Variants in LINS1 observed in about 807,000 individuals in gnomAD.
LINS1 encodes protein Lines homolog 1.
Under a neutral mutation model 41.6 loss-of-function variants are expected in LINS1, and 27 were observed. That is an observed-to-expected ratio of 0.65 (90% CI 0.48 to 0.89). The LOEUF (loss-of-function observed/expected upper bound fraction) is 0.89. LINS1 is among the 40% of genes least tolerant of loss of function. The pLI is 0.00. For synonymous variants in LINS1, 336 were observed against 312.9 expected (o/e 1.07, Z -0.78); for missense variants, 955 against 884.1 (o/e 1.08, Z -1.02).
intron 1 of LINS1, among the ~76,000 whole-genome samples, chr15:100,583,302 T>G (rs2038653859): frequency 2.0e-5 from 3 of 152,276 alleles, no homozygotes; most frequent in Admixed American, 2.0e-4. Flanking sequence ...TAGCCTAGTC[T>G]TGGTCTTTAA....
chr15:100,587,927 A>C (rs567636770), intron 1 of LINS1, among the ~76,000 whole-genome samples: 1 of 152,234 alleles, frequency 6.6e-6, no homozygotes, highest in Non-Finnish European at 1.5e-5. Flanking sequence ...GACTAGGGTC[A>C]CCAGGGCTGG....
At chr15:100,597,825 A>G (rs2039312317) in intron 1 of LINS1, among the ~76,000 whole-genome samples, 1 of 152,228 alleles carries the variant, frequency 6.6e-6, no homozygotes, top group Non-Finnish European at 1.5e-5. Context: ...GAACTCCTAA[A>G]TTCTGTACAC....
At chr15:100,576,972 A>G (rs1324827932) in intron 3 of LINS1, among the ~76,000 whole-genome samples, 1 of 152,218 alleles carries the variant, frequency 6.6e-6, no homozygotes, top group Non-Finnish European at 1.5e-5. Flanking sequence ...ACAAAATTCA[A>G]CAACCCTTCA....
At chr15:100,599,457 G>T (rs1223367540) in intron 1 of LINS1, among the ~76,000 whole-genome samples, 4 of 152,138 alleles carry the variant, frequency 2.6e-5, no homozygotes, top group African/African-American at 4.8e-5. Context: ...CTCAAAGGCA[G>T]GATTTTTAAT....
At chr15:100,587,810 TAAATAGAA>T (rs2038874544) in intron 1 of LINS1, among the ~76,000 whole-genome samples, 1 of 152,252 alleles carries the variant, frequency 6.6e-6, no homozygotes, top group Non-Finnish European at 1.5e-5. Context: ...TATACTTTTG[TAAATAGAA>T]TTTGAGTAGT....
chr15:100,586,622 A>T (rs1341158900), intron 1 of LINS1, among the ~76,000 whole-genome samples: 1 of 152,238 alleles, frequency 6.6e-6, no homozygotes, highest in Non-Finnish European at 1.5e-5. Context: ...CAAAAAGTTT[A>T]TATTACTAGT....
At chr15:100,572,607 A>C (rs1052777817) in intron 5 of LINS1, 10 of 991,646 alleles carry the variant, frequency 1.0e-5, no homozygotes, top group Non-Finnish European at 1.2e-5. Flanking sequence ...TTATAAATTA[A>C]AACTGCACAG....
intron 1 of LINS1, among the ~76,000 whole-genome samples, chr15:100,591,009 C>G (rs1291489393): frequency 3.9e-5 from 6 of 152,026 alleles, no homozygotes; most frequent in African/African-American, 9.7e-5. Context: ...TAAACCCTGT[C>G]TCTACTAAAA....
Position 100,602,153 on chromosome 15 carries a change from C to T in LINS1, c.-136G>A, listed in dbSNP as rs1050968891. ...CTGGCTCAGGCGAACTCTCTTCACACCGCCATTTGAGGGAACACAAATGCC... is the reference window on the plus strand; with the variant it reads ...CTGGCTCAGGCGAACTCTCTTCACATCGCCATTTGAGGGAACACAAATGCC... On this transcript the variant is annotated 5_prime_UTR_variant, in exon 1 of 7. It adds an upstream start codon to the 5' untranslated region. Transcript: ENST00000314742. 4.6e-5 allele frequency: 7 copies of T among 152,282 alleles called. No individual in the cohort carries two copies. The highest frequency in any genetic ancestry group is 4.6e-4 in the Admixed American group (7 of 15,288). 9.4% of individuals were successfully genotyped at this position (152,282 alleles called of 1,614,324 possible).
rs2141262799 is a variant in LINS1 at position 100,570,044 on chromosome 15, T to G, written c.1468A>C (p.Asn490His). 1 of 1,566,566 alleles carries G rather than the reference T, an allele frequency of 6.4e-7. No homozygotes were observed. Among genetic ancestry groups the G allele is most frequent in the African/African-American group, 1.4e-5 (1 of 73,426 alleles). Residue 490 changes from asparagine (N) to histidine (H), a missense_variant, in exon 7 of 7, where the codon AAT becomes CAT. By Grantham distance (68) the Asn-to-His change is moderately conservative. Coordinates refer to ENST00000314742, the MANE Select transcript of LINS1 (RefSeq NM_001040616.3). ...WDHHTHENGYNPHCIFLFFLK... is the reference protein window; with the variant it reads ...WDHHTHENGYHPHCIFLFFLK... ...AAGAACAAGAAAATACAGTGAGGATTATAGCCATTTTCATGTGTGTGATGG... is the reference window on the plus strand; with the variant it reads ...AAGAACAAGAAAATACAGTGAGGATGATAGCCATTTTCATGTGTGTGATGG...
chr15:100,597,025 T>C (rs1364829149), intron 1 of LINS1: 1 of 152,260 alleles, frequency 6.6e-6, no homozygotes. Context: ...ATAGAATATT[T>C]GTGCCTTCAT....
intron 3 of LINS1, among the ~76,000 whole-genome samples, chr15:100,578,093 C>G (rs1425337807): frequency 4.6e-5 from 7 of 152,102 alleles, no homozygotes; most frequent in Non-Finnish European, 1.0e-4. Flanking sequence ...CTAGGCAATA[C>G]CATTCAGGAC....
chr15:100,597,784 T>C (rs766787604), intron 1 of LINS1, among the ~76,000 whole-genome samples: 4 of 152,226 alleles, frequency 2.6e-5, no homozygotes, highest in Non-Finnish European at 4.4e-5. Context: ...TGAGGAACTG[T>C]CTATAGATGT....
intron 1 of LINS1, among the ~76,000 whole-genome samples, chr15:100,588,471 T>C (rs908190537): frequency 6.6e-6 from 1 of 152,258 alleles, no homozygotes; most frequent in Non-Finnish European, 1.5e-5. Context: ...ATGCCTTTCA[T>C]TTAGTTCATG....
intron 1 of LINS1, among the ~76,000 whole-genome samples, chr15:100,597,430 T>G (rs930560650): frequency 1.3e-5 from 2 of 152,226 alleles, no homozygotes; most frequent in Non-Finnish European, 2.9e-5. Flanking sequence ...GGGCCCACTT[T>G]GGAGATTCTG....
At chr15:100,586,465 G>A (rs1349704578) in intron 1 of LINS1, 1 of 152,172 alleles carries the variant, frequency 6.6e-6, no homozygotes, top group Non-Finnish European at 1.5e-5. Flanking sequence ...TTGTGATATG[G>A]GGAAGTATGT....
At chr15:100,601,490 T>A (rs750192905) in intron 1 of LINS1, among the ~76,000 whole-genome samples, 1 of 152,178 alleles carries the variant, frequency 6.6e-6, no homozygotes, top group Non-Finnish European at 1.5e-5. Flanking sequence ...CTCTCAGTAC[T>A]GCCACATTGG....
chr15:100,590,009 C>T (rs1431242672), intron 1 of LINS1, among the ~76,000 whole-genome samples: 1 of 152,136 alleles, frequency 6.6e-6, no homozygotes, highest in Non-Finnish European at 1.5e-5. Context: ...AACTTTGGAA[C>T]CCTGAACTTT....
At chr15:100,579,638 T>G (rs1446238896) in intron 3 of LINS1, among the ~76,000 whole-genome samples, 1 of 152,190 alleles carries the variant, frequency 6.6e-6, no homozygotes, top group Non-Finnish European at 1.5e-5. Flanking sequence ...CAAGAGATTA[T>G]AGTTGAAAAG....
Sources: gnomAD v4.1 joint callset for allele counts (sites outside exome capture counted in the v4.1 genomes callset) on GRCh38, gnomAD v4.1.1 for gene constraint, MANE v1.5 for transcripts, NCBI Gene and HGNC (gene_info 2026-07-23, HGNC 2026-07-21) for gene names.